The following ATP13A5 variants were observed in gnomAD, a reference collection of about 807,000 sequenced individuals.
The protein encoded by ATP13A5 is probable cation-transporting ATPase 13A5.
Under a neutral mutation model 150.2 loss-of-function variants are expected in ATP13A5, and 149 were observed. The ratio of observed to expected loss-of-function variants is 0.99; its 90% confidence interval spans 0.87 to 1.14. The LOEUF (loss-of-function observed/expected upper bound fraction) is 1.14, where lower values mean the gene tolerates loss of function less well. ATP13A5 is among the 50% of genes most tolerant of loss of function. The pLI, the probability that ATP13A5 is intolerant of heterozygous loss-of-function variation, is 0.00. For missense variants in ATP13A5, 1,383 were observed against 1,449.3 expected (o/e 0.95, Z 0.74); for synonymous variants, 497 against 522.2 (o/e 0.95, Z 0.66).
At chr3:193,299,449 A>G (rs548691338) in intron 24 of ATP13A5, among the ~76,000 whole-genome samples, 8 of 152,274 alleles carry the variant, frequency 5.3e-5, no homozygotes, top group South Asian at 2.1e-4. Flanking sequence ...CCACCCTCCT[A>G]TTGGGTGCAT....
intron 1 of ATP13A5, among the ~76,000 whole-genome samples, chr3:193,365,195 T>C (rs1030443365): frequency 2.0e-5 from 3 of 152,170 alleles, no homozygotes; most frequent in Admixed American, 2.0e-4. Context: ...AAAATATGAC[T>C]GAACTCTGAA....
At chr3:193,290,727 T>A (rs1248086843) in intron 25 of ATP13A5, among the ~76,000 whole-genome samples, 1 of 152,156 alleles carries the variant, frequency 6.6e-6, no homozygotes, top group East Asian at 1.9e-4. Context: ...AGGGCTTTTT[T>A]AAATTTAAAG....
At chr3:193,333,139 TCACA>T (rs10571991) in intron 11 of ATP13A5, among the ~76,000 whole-genome samples, 139 of 148,910 alleles carry the variant, frequency 9.3e-4, no homozygotes, top group African/African-American at 3.1e-3. Context: ...TCTCTCTCTC[TCACA>T]CACACACACA....
At chr3:193,378,547 T>C (rs1713723498) in intron 1 of ATP13A5, 116 bp downstream of exon 1, 1 of 928,318 alleles carries the variant, frequency 1.1e-6, no homozygotes, top group Non-Finnish European at 1.7e-6. Context: ...CTGAAACCTT[T>C]CAAGGTCCTA....
rs1346001370 is a variant in ATP13A5, at chr3:193,306,880, G to GT, written c.2568+446dup. Reference sequence around the variant, plus strand: ...CTTAAAAACTAACCAGAGAATGAAAGTTTGGCAGGAATAAATATAATTTAC... The same window carrying GT: ...CTTAAAAACTAACCAGAGAATGAAAGTTTTGGCAGGAATAAATATAATTTAC... On this transcript the variant is annotated intron_variant, in intron 22 of 29. Coordinates refer to ENST00000342358, the MANE Select transcript of ATP13A5 (RefSeq NM_198505.4). 7.9e-5 allele frequency among the ~76,000 whole-genome samples: 12 copies of GT among 152,260 alleles called. No individual in the cohort carries two copies. The East Asian group carries it at 9.6e-4, about 12-fold the overall frequency.
intron 10 of ATP13A5, 92 bp from the exon 11 acceptor site, chr3:193,333,999 A>C: frequency 8.4e-7 from 1 of 1,184,280 alleles, no homozygotes; most frequent in Non-Finnish European, 1.2e-6. Flanking sequence ...AAAAGAGTAG[A>C]GTGTCCTCTA....
chr3:193,372,603 A>C (rs1713487235), intron 1 of ATP13A5, among the ~76,000 whole-genome samples: 1 of 152,042 alleles, frequency 6.6e-6, no homozygotes, highest in Admixed American at 6.6e-5. Flanking sequence ...TATTTCTTCT[A>C]TTCTGAAGAA....
chr3:193,378,713 T>G lies in ATP13A5; in HGVS notation c.13A>C (p.Ser5Arg). MEEN[S>R]KKDHRALLNQ... ...AGCAAAGCCCGATGGTCCTTCTTAC[T>G]GTTCTCTTCCATCTGAACTCAACCG... The change falls in exon 1 of 30, where the codon AGT (serine) becomes CGT (arginine). Residue 5 changes from serine (S) to arginine (R), a missense_variant. Transcript: ENST00000342358. 1 of 1,613,888 alleles carries G rather than the reference T, an allele frequency of 6.2e-7. No individual in the cohort carries two copies. Among genetic ancestry groups the G allele is most frequent in the Non-Finnish European group, 8.5e-7 (1 of 1,179,780 alleles).
At chr3:193,336,250 T>C (rs949350996) in intron 9 of ATP13A5, among the ~76,000 whole-genome samples, 7 of 152,182 alleles carry the variant, frequency 4.6e-5, no homozygotes, top group African/African-American at 1.4e-4. Context: ...CTTTTTATTT[T>C]ATTCTACTTT....
chr3:193,292,840 G>A (rs1718023750), intron 25 of ATP13A5, among the ~76,000 whole-genome samples: 1 of 152,038 alleles, frequency 6.6e-6, no homozygotes. Context: ...AATACCTAAT[G>A]CATACAGGGT....
At chr3:193,297,240 G>T (rs905535049) in intron 25 of ATP13A5, among the ~76,000 whole-genome samples, 4 of 151,998 alleles carry the variant, frequency 2.6e-5, no homozygotes, top group African/African-American at 9.7e-5. Flanking sequence ...AAGAGACCAT[G>T]GCCTTCTCGT....
At chr3:193,327,862 C>T (rs1560134986) in intron 12 of ATP13A5, among the ~76,000 whole-genome samples, 1 of 152,182 alleles carries the variant, frequency 6.6e-6, no homozygotes, top group Non-Finnish European at 1.5e-5. Context: ...CAGCTAGCTG[C>T]TTCAGCACTG....
Position 193,362,313 on chromosome 3 carries a change from T to C in ATP13A5, c.536+68A>G, listed in dbSNP as rs1029308089. On this transcript the variant is annotated intron_variant, in intron 5 of 29. Coordinates refer to ENST00000342358, the MANE Select transcript of ATP13A5 (RefSeq NM_198505.4). ...AAGCATTATGCCAACAATGCACTGA[T>C]GATAACTGATTTGATACTTCATTTT... The C allele has an allele frequency of 2.6e-5, 35 of 1,354,758 alleles. No homozygotes were observed. In the African/African-American group the frequency reaches 4.0e-4, roughly 15 times the overall value. The allele number at this position is 1,354,758 out of a possible 1,614,324, so 83.9% of individuals were successfully genotyped here.
At chr3:193,343,697 T>C (rs758431525) in intron 9 of ATP13A5, among the ~76,000 whole-genome samples, 3 of 137,310 alleles carry the variant, frequency 2.2e-5, no homozygotes, top group African/African-American at 1.1e-4. Context: ...ATTAATCACA[T>C]GTCATATTAA....
intron 7 of ATP13A5, among the ~76,000 whole-genome samples, chr3:193,345,492 A>T (rs1712301265): frequency 6.6e-6 from 1 of 152,168 alleles, no homozygotes; most frequent in Non-Finnish European, 1.5e-5. Context: ...GAATAAATTT[A>T]TGGAACAAAG....
At chr3:193,278,009 G>A (rs1417497980) in intron 28 of ATP13A5, among the ~76,000 whole-genome samples, 2 of 152,032 alleles carry the variant, frequency 1.3e-5, no homozygotes, top group African/African-American at 4.8e-5. Flanking sequence ...TTACCATGTT[G>A]GCCAGGCTGG....
chr3:193,308,046 G>A (rs562178321), intron 21 of ATP13A5, among the ~76,000 whole-genome samples: 4 of 152,244 alleles, frequency 2.6e-5, no homozygotes, highest in South Asian at 4.1e-4. Flanking sequence ...TAAAGACTTA[G>A]CTGCATTTTT....
At chr3:193,339,719 A>C (rs1441038635) in intron 9 of ATP13A5, among the ~76,000 whole-genome samples, 1 of 152,176 alleles carries the variant, frequency 6.6e-6, no homozygotes, top group Non-Finnish European at 1.5e-5. Flanking sequence ...TGTTTTGACA[A>C]ATCTCCAAAT....
At chr3:193,376,335 C>G (rs1385545928) in intron 1 of ATP13A5, among the ~76,000 whole-genome samples, 2 of 152,138 alleles carry the variant, frequency 1.3e-5, no homozygotes, top group African/African-American at 4.8e-5. Flanking sequence ...TTTCTCTGTG[C>G]CCTCACATGG....
Sources: allele counts gnomAD v4.1 joint callset (sites outside exome capture counted in the v4.1 genomes callset), GRCh38; gene constraint gnomAD v4.1.1; transcripts MANE v1.5; gene names NCBI Gene and HGNC (gene_info 2026-07-23, HGNC 2026-07-21).